The following IL2RB variants were observed in gnomAD, a reference collection of about 807,000 sequenced individuals.
The protein encoded by IL2RB is interleukin 2 receptor subunit beta.
In IL2RB, 17 loss-of-function variants were observed where a neutral mutation model predicts 44.2. The ratio of observed to expected loss-of-function variants is 0.38; its 90% CI spans 0.26 to 0.58. The LOEUF is 0.58. Ranked by LOEUF, IL2RB falls within the 20% of genes least tolerant of loss-of-function variation. IL2RB has a pLI of 0.63. For synonymous variants in IL2RB, 286 were observed against 297.9 expected, an observed-to-expected ratio of 0.96 and a Z score of 0.41; for missense variants, 624 against 685.5, an observed-to-expected ratio of 0.91 and a Z score of 1.00.
rs1922273044 is a variant in IL2RB at position 37,147,330 on chromosome 22, G to C, written c.-34+2495C>G. On this transcript the variant is annotated intron_variant, in intron 1 of 9. Coordinates refer to ENST00000216223, the MANE Select transcript of IL2RB (RefSeq NM_000878.5). ...AGAGGCCTTTCTGGAATCTGAGTCAGGGCAGACTGCCCAGTGCCCAGGCAG... is the reference window on the plus strand; with the variant it reads ...AGAGGCCTTTCTGGAATCTGAGTCACGGCAGACTGCCCAGTGCCCAGGCAG... Among the ~76,000 whole-genome samples, 2 of 152,188 alleles carry C rather than the reference G, an allele frequency of 1.3e-5. 1 individual carries two copies. The highest frequency in any genetic ancestry group is 4.1e-4 in the South Asian group (2 of 4,834).
At chr22:37,130,995 C>T (rs1246778957) in intron 9 of IL2RB, among the ~76,000 whole-genome samples, 2 of 152,142 alleles carry the variant, frequency 1.3e-5, no homozygotes, top group Non-Finnish European at 2.9e-5. Flanking sequence ...GGCAAAACCC[C>T]GTCTCTATTA....
chr22:37,128,417 A>T lies in IL2RB; in HGVS notation c.1335T>A (p.Pro445=). Residue 445 remains proline (P), a synonymous_variant, in exon 10 of 10, where the codon CCT becomes CCA. Transcript: ENST00000216223. The surrounding 1 kb of genome is among the most constrained non-coding windows in gnomAD (Gnocchi z 4.5). ...TCTCTTCACCGGCCCCACTGCCCCC[A>T]GGGGCAGTGCTTGGGGGGCTGGGGC... ...LGGPSPPSTA[P]GGSGAGEERM... The T allele has an allele frequency of 6.6e-7, 1 of 1,513,594 alleles. No homozygotes were observed. Among genetic ancestry groups the T allele is most frequent in the Non-Finnish European group, 8.9e-7 (1 of 1,128,780 alleles). 93.8% of individuals were successfully genotyped at this position (1,513,594 alleles called of 1,614,324 possible).
intron 1 of IL2RB, 106 bp from the exon 2 acceptor site, chr22:37,144,311 C>T (rs1922124378): frequency 1.4e-6 from 2 of 1,381,744 alleles, no homozygotes; most frequent in Non-Finnish European, 1.9e-6. Context: ...GGTCTGCACT[C>T]CTCGGTGCCA....
At chr22:37,159,426 G>T (rs917515186) in intron 1 of IL2RB, among the ~76,000 whole-genome samples, 1 of 152,046 alleles carries the variant, frequency 6.6e-6, no homozygotes. Context: ...CGGCCACCCT[G>T]GGCTCGCTGA....
At chr22:37,146,829 C>G (rs1199363670) in intron 1 of IL2RB, among the ~76,000 whole-genome samples, 1 of 151,260 alleles carries the variant, frequency 6.6e-6, no homozygotes, top group Admixed American at 6.6e-5. Flanking sequence ...AAAAAAAAAG[C>G]AGAGCTCTTT....
intron 1 of IL2RB, among the ~76,000 whole-genome samples, chr22:37,145,402 G>C (rs558515473): frequency 6.6e-6 from 1 of 151,986 alleles, no homozygotes. Flanking sequence ...TTATGCACTG[G>C]CCACTGGCCA....
intron 1 of IL2RB, among the ~76,000 whole-genome samples, chr22:37,165,112 A>C (rs73408830): frequency 6.6e-6 from 1 of 152,306 alleles, no homozygotes; most frequent in Admixed American, 6.5e-5. Flanking sequence ...TATTTTGCAG[A>C]TGAAAAAACT....
intron 6 of IL2RB, among the ~76,000 whole-genome samples, chr22:37,136,940 C>G (rs1345539423): frequency 1.3e-5 from 2 of 152,212 alleles, no homozygotes; most frequent in Non-Finnish European, 2.9e-5. Flanking sequence ...AGGGGCCTTC[C>G]CTGGTCACCT....
At chr22:37,151,143 C>G (rs186614051), upstream of IL2RB, among the ~76,000 whole-genome samples, 3 of 152,138 alleles carry the variant, frequency 2.0e-5, no homozygotes, top group Non-Finnish European at 4.4e-5. Context: ...GTTTTGAGGA[C>G]TCTTCAAACT....
chr22:37,157,156 C>T (rs569415878), intron 1 of IL2RB, among the ~76,000 whole-genome samples: 2 of 152,180 alleles, frequency 1.3e-5, no homozygotes, highest in Non-Finnish European at 2.9e-5. Flanking sequence ...CAGGGGCCCA[C>T]AGAGGGGCCA....
chr22:37,128,285 A>G lies in IL2RB; in HGVS notation c.1467T>C (p.Pro489=), dbSNP rs1921222701. The change falls in exon 10 of 10, where the codon CCT becomes CCC. Residue 489 remains proline, a synonymous_variant. Transcript: ENST00000216223. This position sits in a 1 kb window ranked among gnomAD's most constrained non-coding sequence, Gnocchi z 4.5. ...VPDLVDFQPP[P]ELVLREAGEE... ...CCCCAGCCTCTCGCAGCACCAGCTCAGGGGGTGGCTGAAAATCCACCAGGT... is the reference window on the plus strand; with the variant it reads ...CCCCAGCCTCTCGCAGCACCAGCTCGGGGGGTGGCTGAAAATCCACCAGGT... 6.7e-7 allele frequency: 1 copy of G among 1,499,438 alleles called. No homozygotes were observed. Among genetic ancestry groups the G allele is most frequent in the Non-Finnish European group, 8.9e-7 (1 of 1,124,132 alleles). 92.9% of individuals were successfully genotyped at this position (1,499,438 alleles called of 1,614,324 possible). A position where few individuals can be genotyped will look rare whatever the true frequency, so the allele number is the denominator to read the frequency against.
chr22:37,133,556 G>T (rs1295889003), intron 8 of IL2RB, among the ~76,000 whole-genome samples: 2 of 152,186 alleles, frequency 1.3e-5, no homozygotes. Context: ...AGCTAGGCAC[G>T]CTTTGCAAAC....
intron 1 of IL2RB, among the ~76,000 whole-genome samples, chr22:37,171,125 A>C (rs1271452216): frequency 6.6e-6 from 1 of 152,124 alleles, no homozygotes; most frequent in African/African-American, 2.4e-5. Context: ...CTGGGACTAC[A>C]GGCGCGGCCA....
intron 7 of IL2RB, 51 bp from the exon 8 acceptor site, chr22:37,135,493 C>T: frequency 1.6e-6 from 2 of 1,226,012 alleles, no homozygotes; most frequent in East Asian, 2.3e-5. Context: ...GAAGTGCCCT[C>T]ACTCACCCTG....
chr22:37,135,542 C>T (rs546502107), intron 7 of IL2RB, 100 bp from the exon 8 acceptor site: 72 of 701,076 alleles, frequency 1.0e-4, no homozygotes, highest in East Asian at 5.4e-4. Context: ...GGCCCTGCCA[C>T]GCAGGCCTGC....
intron 1 of IL2RB, among the ~76,000 whole-genome samples, chr22:37,148,282 G>A (rs1922323525): frequency 6.6e-6 from 1 of 152,218 alleles, no homozygotes; most frequent in South Asian, 2.1e-4. Context: ...GGCAGTCACT[G>A]AGGCTGCACC....
rs138633545 is a variant in IL2RB, at chr22:37,147,894, G to A, written c.-34+1931C>T. Among the ~76,000 whole-genome samples the A allele has an allele frequency of 7.6e-3, 1,151 of 152,348 alleles. 19 individuals carry two copies. The highest frequency in any genetic ancestry group is 0.026 in the African/African-American group (1,091 of 41,580). ...CCCAAAGAGTGCATAGCCCAACCAG[G>A]GGACTCCCATAGCCCCTATGCCCCT... On this transcript the variant is annotated intron_variant, in intron 1 of 9. Coordinates refer to ENST00000216223, the MANE Select transcript of IL2RB (RefSeq NM_000878.5).
chr22:37,162,705 C>G (rs957789889), intron 1 of IL2RB, among the ~76,000 whole-genome samples: 1 of 152,120 alleles, frequency 6.6e-6, no homozygotes, highest in African/African-American at 2.4e-5. Flanking sequence ...CTCTGTTTAC[C>G]AAATCCCTGA....
chr22:37,171,626 A>G (rs1039159163), intron 1 of IL2RB, among the ~76,000 whole-genome samples: 1 of 152,164 alleles, frequency 6.6e-6, no homozygotes, highest in African/African-American at 2.4e-5. Flanking sequence ...AAGGATGAAA[A>G]CTATGGAATG....
Sources: gnomAD v4.1 joint callset for allele counts (sites outside exome capture counted in the v4.1 genomes callset) on GRCh38, gnomAD v4.1.1 for gene constraint, Gnocchi (gnomAD v3.1) non-coding constraint, MANE v1.5 for transcripts, NCBI Gene and HGNC (gene_info 2026-07-23, HGNC 2026-07-21) for gene names.